The following AHI1 variants were observed in gnomAD, a reference collection of about 807,000 sequenced individuals.
The protein encoded by AHI1 is jouberin.
AHI1 carries 123 observed loss-of-function variants against 149.3 expected under a neutral mutation model. That is an observed-to-expected ratio of 0.82 (90% CI 0.71 to 0.96). AHI1 has a LOEUF of 0.96. Ranked by LOEUF, AHI1 falls within the 40% of genes least tolerant of loss-of-function variation. The pLI is 0.00. For synonymous variants in AHI1, 475 were observed against 459.8 expected (o/e 1.03, Z -0.42); for missense variants, 1,439 against 1,422.7 (o/e 1.01, Z -0.18).
chr6:135,447,759 T>A (rs1787468046), intron 12 of AHI1, among the ~76,000 whole-genome samples: 1 of 152,198 alleles, frequency 6.6e-6, no homozygotes, highest in African/African-American at 2.4e-5. Context: ...AGTAGAAACA[T>A]TACATACTGA....
At chr6:135,375,307 A>T (rs148134290) in intron 23 of AHI1, among the ~76,000 whole-genome samples, 4 of 152,294 alleles carry the variant, frequency 2.6e-5, no homozygotes, top group South Asian at 4.1e-4. Context: ...TCCCGAGGGG[A>T]AAAAAACGAG....
Position 135,455,820 on chromosome 6 carries a change from A to G in AHI1, c.1258T>C (p.Trp420Arg). The G allele has an allele frequency of 6.2e-7, 1 of 1,600,710 alleles. No homozygotes were observed. Among genetic ancestry groups the G allele is most frequent in the Non-Finnish European group, 8.5e-7 (1 of 1,172,392 alleles). The change falls in exon 10 of 29, where the codon TGG becomes CGG. Residue 420 changes from tryptophan to arginine, a missense_variant. Trp to Arg is a moderately radical substitution (Grantham distance 101). Transcript: ENST00000265602. ...TCATTAAATACAATTTGTTCTTCCC[A>G]CTCTGGAAGTCTTGATTTTAACTGT... ...FKQLKSRLPE[W>R]EEQIVFNENF...
Position 135,430,014 on chromosome 6 carries a change from A to T in AHI1, c.2374-14T>A, listed in dbSNP as rs1784424851. On this transcript the variant is annotated splice_polypyrimidine_tract_variant and intron_variant, in intron 17 of 28. Transcript: ENST00000265602. ...TTCTTTAATTTCCTAAAATGATTAA[A>T]AAAAATACTACTACTGAAAAGTTTG... The T allele has an allele frequency of 7.2e-7, 1 of 1,382,062 alleles. No individual in the cohort carries two copies. The highest frequency in any genetic ancestry group is 1.5e-5 in the African/African-American group (1 of 68,922). The allele number at this position is 1,382,062 out of a possible 1,614,324, so 85.6% of individuals were successfully genotyped here.
intron 20 of AHI1, among the ~76,000 whole-genome samples, chr6:135,417,744 G>A (rs535432151): frequency 6.6e-6 from 1 of 151,732 alleles, no homozygotes; most frequent in South Asian, 2.1e-4. Flanking sequence ...TTAGTTCTGT[G>A]AAGGCAGCCA....
In AHI1 at chr6:135,455,112, G is replaced by A. The variant is rs535492225; in HGVS notation, c.1344+622C>T. On this transcript the variant is annotated intron_variant, in intron 10 of 28. Coordinates refer to ENST00000265602, the MANE Select transcript of AHI1 (RefSeq NM_001134831.2). ...TTCTAGGTTCAAACTATCTGCAAAC[G>A]CATTTTTTTTAACTTAAAATTCGAG... Among the ~76,000 whole-genome samples the A allele has an allele frequency of 1.3e-4, 20 of 151,072 alleles. 1 individual carries two copies. The highest frequency in any genetic ancestry group is 1.2e-3 in the Admixed American group (18 of 15,244).
chr6:135,361,379 CCT>C (rs1433563636), intron 23 of AHI1, among the ~76,000 whole-genome samples: 5 of 152,106 alleles, frequency 3.3e-5, no homozygotes, highest in Middle Eastern at 3.4e-3. Context: ...TCATTAATCC[CCT>C]GTTATTTTGT....
intron 27 of AHI1, among the ~76,000 whole-genome samples, chr6:135,293,710 G>A (rs2128342566): frequency 6.6e-6 from 1 of 151,176 alleles, no homozygotes; most frequent in South Asian, 2.1e-4. Flanking sequence ...ACTAAAAAAT[G>A]TTACCAAGAG....
At position 135,394,762 on chromosome 6, in the gene AHI1, A is replaced by T. The variant is rs1778988078; in HGVS notation, c.3109+14T>A. Reference sequence around the variant, plus strand: ...AACATTTAAAAGAATTGTCAAAGTAAGAAAGGGGCTCACCGGTCTGAGTGA... The same window carrying T: ...AACATTTAAAAGAATTGTCAAAGTATGAAAGGGGCTCACCGGTCTGAGTGA... On this transcript the variant is annotated intron_variant, in intron 23 of 28. Coordinates refer to ENST00000265602, the MANE Select transcript of AHI1 (RefSeq NM_001134831.2). 2 of 1,609,710 alleles carry T rather than the reference A, an allele frequency of 1.2e-6. No individual in the cohort carries two copies. Among genetic ancestry groups the T allele is most frequent in the Non-Finnish European group, 1.7e-6 (2 of 1,177,530 alleles).
At chr6:135,488,848 T>C (rs566718452) in intron 5 of AHI1, among the ~76,000 whole-genome samples, 1 of 152,290 alleles carries the variant, frequency 6.6e-6, no homozygotes, top group Non-Finnish European at 1.5e-5. Flanking sequence ...AATATTGGGT[T>C]GTGGTTAAGG....
intron 24 of AHI1, among the ~76,000 whole-genome samples, chr6:135,332,352 C>G (rs1348514804): frequency 1.3e-5 from 2 of 152,242 alleles, no homozygotes; most frequent in Non-Finnish European, 2.9e-5. Context: ...CAGGCGTAAG[C>G]CACCGCTCCT....
intron 23 of AHI1, among the ~76,000 whole-genome samples, chr6:135,382,927 ATAT>A (rs1247583887): frequency 1.6e-3 from 41 of 26,412 alleles, no homozygotes; most frequent in African/African-American, 4.5e-3. Context: ...AAAAAAAAAA[ATAT>A]ATATATATAT....
chr6:135,308,554 C>G (rs1411999825), intron 26 of AHI1, among the ~76,000 whole-genome samples: 1 of 152,098 alleles, frequency 6.6e-6, no homozygotes, highest in Non-Finnish European at 1.5e-5. Flanking sequence ...GAAAAAACAT[C>G]ATGAAGAGCA....
intron 5 of AHI1, among the ~76,000 whole-genome samples, chr6:135,483,866 T>C (rs1437972257): frequency 6.6e-6 from 1 of 152,184 alleles, no homozygotes; most frequent in Non-Finnish European, 1.5e-5. Context: ...TTAGTGAACT[T>C]TACTTCCATA....
At chr6:135,436,671 C>T (rs778331050) in intron 15 of AHI1, among the ~76,000 whole-genome samples, 11 of 152,258 alleles carry the variant, frequency 7.2e-5, no homozygotes, top group Admixed American at 5.2e-4. Context: ...GGCGCAATCT[C>T]GGCTCACTGC....
At chr6:135,401,803 A>G (rs1453150191) in intron 22 of AHI1, among the ~76,000 whole-genome samples, 1 of 152,214 alleles carries the variant, frequency 6.6e-6, no homozygotes, top group Non-Finnish European at 1.5e-5. Context: ...ATTACAACAC[A>G]AAAAGCACAA....
rs199578341 is a variant in AHI1 at position 135,290,508 on chromosome 6, T to C, written c.3503A>G (p.Glu1168Gly). Residue 1168 changes from glutamate (E) to glycine (G), a missense_variant, in exon 28 of 29, where the codon GAA (glutamate) becomes GGA (glycine). Glu to Gly is a moderately conservative substitution (Grantham distance 98, BLOSUM62 -2). Transcript: ENST00000265602. The stretch of plus-strand genomic sequence containing the variant: ...GTGTCCTTGGTCCTCATGGCTCTGT[T>C]CTTTTCTCATTTCAGAACTATAGGA... ...ESMTHSEMRKEQSHEDQGHIM... is the reference protein window; with the variant it reads ...ESMTHSEMRKGQSHEDQGHIM... 3,320 of 1,613,824 alleles carry C rather than the reference T, an allele frequency of 2.1e-3. 4 individuals carry two copies. Among genetic ancestry groups the C allele is most frequent in the Non-Finnish European group, 2.7e-3 (3,166 of 1,179,790 alleles).
At position 135,485,901 on chromosome 6, in the gene AHI1, G is replaced by A. The variant is rs528768894; in HGVS notation, c.135+4722C>T. Among the ~76,000 whole-genome samples the A allele has an allele frequency of 4.3e-3, 657 of 152,162 alleles. 5 individuals carry two copies. Among genetic ancestry groups the A allele is most frequent in the African/African-American group, 0.015 (630 of 41,486 alleles). On this transcript the variant is annotated intron_variant, in intron 5 of 28. Coordinates refer to ENST00000265602, the MANE Select transcript of AHI1 (RefSeq NM_001134831.2). ...TAGTCCTAGCATTTTGGGAGGCCAA[G>A]GCAGGCACATCACCATAGAATCAGT...
chr6:135,313,309 T>C (rs1385591020), intron 26 of AHI1, among the ~76,000 whole-genome samples: 1 of 152,182 alleles, frequency 6.6e-6, no homozygotes, highest in East Asian at 1.9e-4. Context: ...TGGATTCAGA[T>C]AGAGAAGATC....
intron 22 of AHI1, among the ~76,000 whole-genome samples, chr6:135,401,654 T>C (rs1424652265): frequency 1.3e-5 from 2 of 152,182 alleles, no homozygotes; most frequent in Non-Finnish European, 2.9e-5. Context: ...AGAATGAAAG[T>C]GGACCTATCC....
Sources: allele counts gnomAD v4.1 joint callset (sites outside exome capture counted in the v4.1 genomes callset), GRCh38; gene constraint gnomAD v4.1.1; transcripts MANE v1.5; gene names NCBI Gene and HGNC (gene_info 2026-07-23, HGNC 2026-07-21).